AKNAD1: variants seen among roughly 807,000 people sequenced by gnomAD.
AKNAD1 encodes protein AKNAD1.
Under a neutral mutation model 90.8 loss-of-function variants are expected in AKNAD1, and 67 were observed. The observed-to-expected ratio is 0.74, with a 90% confidence interval of 0.61 to 0.90. The LOEUF (loss-of-function observed/expected upper bound fraction) is 0.90, where lower values mean the gene tolerates loss of function less well. Among genes scored for constraint, AKNAD1 ranks in the 40% least tolerant of loss-of-function variants. The pLI is 0.00. For synonymous variants in AKNAD1, 327 were observed against 341.4 expected, an observed-to-expected ratio of 0.96 and a Z score of 0.46; for missense variants, 957 against 975.4, an observed-to-expected ratio of 0.98 and a Z score of 0.25.
chr1:108,850,091 C>T (rs920563622), intron 2 of AKNAD1, among the ~76,000 whole-genome samples: 10 of 152,166 alleles, frequency 6.6e-5, no homozygotes, highest in Non-Finnish European at 1.2e-4. Context: ...CATTAAGTTC[C>T]AAACTGTGTG....
intron 9 of AKNAD1, 43 bp from the exon 10 acceptor site, chr1:108,830,693 G>A (rs1210308621): frequency 6.3e-7 from 1 of 1,595,512 alleles, no homozygotes; most frequent in Admixed American, 1.7e-5. Context: ...TAGAGGATGT[G>A]ACTCACGCCG....
rs79934324 is a variant in AKNAD1 at position 108,844,768 on chromosome 1, A to G, written c.1246-1501T>C. ...CCTCATATTATAAAAACTAAATGAG[A>G]TAATGCATTGTGCCAGGACTATAGT... On this transcript the variant is annotated intron_variant, in intron 5 of 15. Transcript: ENST00000370001. Among the ~76,000 whole-genome samples, 75 of 152,134 alleles carry G rather than the reference A, an allele frequency of 4.9e-4. 1 individual carries two copies. In the East Asian group the frequency reaches 0.014, roughly 29 times the overall value.
Position 108,834,940 on chromosome 1 carries a change from CAGCTCACAGAG to C in AKNAD1, c.1642_1652del (p.Leu548GlyfsTer29), listed in dbSNP as rs1169012154. On this transcript the variant is annotated frameshift_variant, in exon 8 of 16. Coordinates refer to ENST00000370001, the MANE Select transcript of AKNAD1 (RefSeq NM_152763.5). LOFTEE classifies it high-confidence loss of function. ...GGGCTAGGACTCACGTCTGCGGGGCCAGCTCACAGAGCTCCTCGTTGGGGGCCTCCTGCGGC... is the reference window on the plus strand; with the variant it reads ...GGGCTAGGACTCACGTCTGCGGGGCCCTCCTCGTTGGGGGCCTCCTGCGGC... 6.5e-7 allele frequency: 1 copy of C among 1,539,234 alleles called. No individual in the cohort carries two copies.
At chr1:108,846,613 C>T (rs982283270) in intron 5 of AKNAD1, among the ~76,000 whole-genome samples, 11 of 152,202 alleles carry the variant, frequency 7.2e-5, no homozygotes, top group South Asian at 6.2e-4. Context: ...TTGGCTTCTC[C>T]GCCTCCGCTC....
upstream of AKNAD1, chr1:108,857,453 C>T (rs571565608): frequency 1.9e-4 from 29 of 152,986 alleles, no homozygotes; most frequent in African/African-American, 6.5e-4. Context: ...ACCAAAACTC[C>T]TTAGTGGCAA....
chr1:108,844,506 TC>T (rs1328302206), intron 5 of AKNAD1, among the ~76,000 whole-genome samples: 1 of 151,892 alleles, frequency 6.6e-6, no homozygotes, highest in East Asian at 1.9e-4. Context: ...GCAACTTAAA[TC>T]AGGCATAAAG....
At chr1:108,831,389 C>T (rs764172868) in intron 9 of AKNAD1, among the ~76,000 whole-genome samples, 2 of 152,158 alleles carry the variant, frequency 1.3e-5, no homozygotes, top group South Asian at 2.1e-4. Context: ...CCAAAGGTTG[C>T]GAACATGTTT....
chr1:108,851,930 G>T lies in AKNAD1; in HGVS notation c.735C>A (p.Asn245Lys). The T allele has an allele frequency of 6.2e-7, 1 of 1,614,216 alleles. No individual in the cohort carries two copies. The highest frequency in any genetic ancestry group is 8.5e-7 in the Non-Finnish European group (1 of 1,180,044). ...CTTGACCTTGGCCGTATTTGAACGT[G>T]TTGCCTGAATTTGCTTTTTCAGTCT... ...KQQTEKANSG[N>K]TFKYGQGQVH... Residue 245 changes from asparagine (N) to lysine (K), a missense_variant, in exon 2 of 16, where the codon AAC becomes AAA. Physicochemically the swap from Asn to Lys is moderately conservative, Grantham distance 94. Coordinates refer to ENST00000370001, the MANE Select transcript of AKNAD1 (RefSeq NM_152763.5).
At position 108,856,935 on chromosome 1, in the gene AKNAD1, C is replaced by T. The variant is rs1665067284; in HGVS notation, c.-110G>A. 6.6e-6 allele frequency: 1 copy of T among 152,188 alleles called. No homozygotes were observed. Among genetic ancestry groups the T allele is most frequent in the Non-Finnish European group, 1.5e-5 (1 of 68,044 alleles). 9.4% of individuals were successfully genotyped at this position (152,188 alleles called of 1,614,324 possible). ...GGAAAAGGACAATCCATACCCTTAGCAAGGTAATGAGCTTCTTTGAGATAA... is the reference window on the plus strand; with the variant it reads ...GGAAAAGGACAATCCATACCCTTAGTAAGGTAATGAGCTTCTTTGAGATAA... On this transcript the variant is annotated 5_prime_UTR_variant, in exon 1 of 16. Transcript: ENST00000370001.
At chr1:108,816,340 C>T (rs1195854946) in intron 15 of AKNAD1, 38 bp from the exon 16 acceptor site, 1 of 1,584,348 alleles carries the variant, frequency 6.3e-7, no homozygotes, top group South Asian at 1.2e-5. Context: ...ATTACATAAA[C>T]TAACTGCTGT....
intron 5 of AKNAD1, among the ~76,000 whole-genome samples, chr1:108,845,282 C>T (rs1664672493): frequency 1.3e-5 from 2 of 152,136 alleles, no homozygotes; most frequent in Admixed American, 1.3e-4. Flanking sequence ...CTCCCCTGGG[C>T]CCTGGCTTTG....
chr1:108,826,988 C>G (rs189326009), intron 11 of AKNAD1, among the ~76,000 whole-genome samples: 3 of 151,442 alleles, frequency 2.0e-5, no homozygotes, highest in African/African-American at 7.3e-5. Flanking sequence ...GTGATCCACC[C>G]GCCTCAGCCT....
chr1:108,853,120 A>ATTTTTTTTT (rs1172721865), intron 1 of AKNAD1, among the ~76,000 whole-genome samples: 1 of 131,256 alleles, frequency 7.6e-6, no homozygotes, highest in Non-Finnish European at 1.6e-5. Context: ...TAAAGGATTG[A>ATTTTTTTTT]TTTTTTTTCT....
chr1:108,822,390 C>A (rs78679850), intron 13 of AKNAD1, among the ~76,000 whole-genome samples: 1 of 152,160 alleles, frequency 6.6e-6, no homozygotes, highest in South Asian at 2.1e-4. Context: ...TTGCAGCCCT[C>A]GTTCGTATAC....
In AKNAD1 at chr1:108,823,531, C is replaced by T. The variant is rs761307678; in HGVS notation, c.2059+35G>A. On this transcript the variant is annotated intron_variant, in intron 12 of 15. Coordinates refer to ENST00000370001, the MANE Select transcript of AKNAD1 (RefSeq NM_152763.5). ...AATTGCCTGGGAACAGTGACTGTCCCCACTCGCCTTTCTGAGGCCCCAGGT... is the reference window on the plus strand; with the variant it reads ...AATTGCCTGGGAACAGTGACTGTCCTCACTCGCCTTTCTGAGGCCCCAGGT... 9.3e-6 allele frequency: 15 copies of T among 1,611,186 alleles called. No individual in the cohort carries two copies. In the African/African-American group the frequency reaches 9.4e-5, roughly 10 times the overall value.
intron 6 of AKNAD1, among the ~76,000 whole-genome samples, chr1:108,840,034 A>G (rs965353779): frequency 1.4e-5 from 2 of 144,156 alleles, no homozygotes; most frequent in Non-Finnish European, 3.1e-5. Flanking sequence ...AAAAAAAAAA[A>G]TGCTGTCTTT....
Position 108,820,579 on chromosome 1 carries a change from A to AT in AKNAD1, c.2214dup (p.Ser739IlefsTer3). Reference sequence around the variant, plus strand: ...GTGGGCTCATGTTCACCTTTAAAGGATTTTGAATTCACTCTCTGAGAACAG... The same window carrying AT: ...GTGGGCTCATGTTCACCTTTAAAGGATTTTTGAATTCACTCTCTGAGAACAG... On this transcript the variant is annotated frameshift_variant, in exon 14 of 16. Coordinates refer to ENST00000370001, the MANE Select transcript of AKNAD1 (RefSeq NM_152763.5). LOFTEE classifies it high-confidence loss of function. The AT allele has an allele frequency of 6.2e-7, 1 of 1,611,158 alleles. No individual in the cohort carries two copies. Among genetic ancestry groups the AT allele is most frequent in the South Asian group, 1.1e-5 (1 of 90,776 alleles).
At chr1:108,833,721 T>C (rs2101184699) in intron 9 of AKNAD1, among the ~76,000 whole-genome samples, 1 of 145,816 alleles carries the variant, frequency 6.9e-6, no homozygotes, top group Non-Finnish European at 1.5e-5. Context: ...ATTTTTCCCA[T>C]GGTTTTTTTT....
intron 6 of AKNAD1, among the ~76,000 whole-genome samples, chr1:108,839,900 C>T (rs971058725): frequency 1.3e-5 from 2 of 151,896 alleles, no homozygotes; most frequent in Non-Finnish European, 2.9e-5. Context: ...TGGCATGCAC[C>T]TGTAGTCCCT....
Sources: allele counts gnomAD v4.1 joint callset (sites outside exome capture counted in the v4.1 genomes callset), GRCh38; gene constraint gnomAD v4.1.1; transcripts MANE v1.5; gene names NCBI Gene and HGNC (gene_info 2026-07-23, HGNC 2026-07-21).